Variants in HDAC9 observed in about 807,000 individuals in gnomAD.
HDAC9 encodes histone deacetylase 9.
HDAC9 carries 41 observed loss-of-function variants against 139.4 expected under a neutral mutation model. That is an observed-to-expected ratio of 0.29 (90% CI 0.23 to 0.38). The LOEUF is 0.38. HDAC9 is among the 10% of genes least tolerant of loss of function. HDAC9 has a pLI of 1.00. For missense variants in HDAC9, 1,147 were observed against 1,297.0 expected (o/e 0.88, Z 1.78); for synonymous variants, 517 against 476.2 (o/e 1.09, Z -1.12).
intron 13 of HDAC9, among the ~76,000 whole-genome samples, chr7:18,733,300 G>C (rs962957090): frequency 3.6e-5 from 5 of 140,188 alleles, no homozygotes; most frequent in Non-Finnish European, 7.8e-5. Context: ...GTGTATATAT[G>C]TGTATATAAT....
intron 22 of HDAC9, among the ~76,000 whole-genome samples, chr7:18,912,329 G>T (rs548036976): frequency 1.3e-5 from 2 of 152,028 alleles, no homozygotes; most frequent in East Asian, 3.9e-4. Flanking sequence ...TTACCCCTAA[G>T]TTTTTATCAG....
intron 1 of HDAC9, among the ~76,000 whole-genome samples, chr7:18,328,620 A>G (rs1056730553): frequency 3.3e-5 from 5 of 151,908 alleles, no homozygotes; most frequent in African/African-American, 9.7e-5. Flanking sequence ...CAGATATTGA[A>G]CCATCCTTTC....
At chr7:18,936,480 G>T (rs1457515181) in intron 23 of HDAC9, among the ~76,000 whole-genome samples, 3 of 152,068 alleles carry the variant, frequency 2.0e-5, no homozygotes, top group African/African-American at 7.2e-5. Flanking sequence ...AATGGCCAAA[G>T]ACCATTATAT....
chr7:18,337,850 A>C (rs1485353258), intron 1 of HDAC9, among the ~76,000 whole-genome samples: 1 of 151,774 alleles, frequency 6.6e-6, no homozygotes, highest in African/African-American at 2.4e-5. Context: ...TTTTTGTATA[A>C]AAATTAAATA....
intron 1 of HDAC9, among the ~76,000 whole-genome samples, chr7:18,337,641 G>A (rs764973875): frequency 1.6e-4 from 25 of 151,682 alleles, no homozygotes; most frequent in Non-Finnish European, 3.4e-4. Context: ...GACTTGCAGC[G>A]TGTGTATGTG....
At chr7:18,859,276 G>A (rs528674715) in intron 21 of HDAC9, among the ~76,000 whole-genome samples, 16 of 152,200 alleles carry the variant, frequency 1.1e-4, no homozygotes, top group African/African-American at 3.6e-4. Flanking sequence ...TAGAAGAAAA[G>A]AGTTTCCTTG....
intron 12 of HDAC9, 98 bp from the exon 13 acceptor site, chr7:18,727,480 GTC>G (rs1785641998): frequency 1.1e-6 from 1 of 917,076 alleles, no homozygotes; most frequent in East Asian, 3.0e-5. Context: ...CGTTTATTAT[GTC>G]TCTGACCTGA....
chr7:18,162,482 A>G, intron 2 of HDAC9: 1 of 768,182 alleles, frequency 1.3e-6, no homozygotes, highest in Admixed American at 2.7e-5. Context: ...AATGTAACAA[A>G]TTTTGAATTT....
intron 16 of HDAC9, among the ~76,000 whole-genome samples, chr7:18,773,899 G>T (rs552064389): frequency 6.6e-6 from 1 of 152,192 alleles, no homozygotes; most frequent in East Asian, 1.9e-4. Flanking sequence ...ATGTAAAACT[G>T]ATGTGTCATT....
intron 1 of HDAC9, among the ~76,000 whole-genome samples, chr7:18,111,131 C>G (rs1003942031): frequency 1.3e-5 from 2 of 152,120 alleles, no homozygotes; most frequent in Non-Finnish European, 2.9e-5. Context: ...TTCCATGTGC[C>G]TGTGAAGCTT....
intron 2 of HDAC9, among the ~76,000 whole-genome samples, chr7:18,580,048 T>A (rs984560843): frequency 2.6e-5 from 4 of 152,186 alleles, no homozygotes; most frequent in Non-Finnish European, 5.9e-5. Context: ...TAGCAGCATC[T>A]AAAGTGAAGA....
chr7:18,228,295 C>CTT (rs5882649), intron 2 of HDAC9, among the ~76,000 whole-genome samples: 6,409 of 146,628 alleles, frequency 0.044, 200 homozygotes, highest in African/African-American at 0.076. Context: ...AGTAGATAAC[C>CTT]TTTTTTTTTT....
At chr7:18,191,641 G>T (rs533991765) in intron 2 of HDAC9, among the ~76,000 whole-genome samples, 1 of 152,298 alleles carries the variant, frequency 6.6e-6, no homozygotes, top group Admixed American at 6.5e-5. Flanking sequence ...AAATAAAAAT[G>T]TGGCTTGCCA....
chr7:18,482,868 C>A (rs1795685609), intron 1 of HDAC9, among the ~76,000 whole-genome samples: 2 of 152,148 alleles, frequency 1.3e-5, no homozygotes, highest in Non-Finnish European at 2.9e-5. Context: ...TCCCAGGAGC[C>A]ATTGGAAGAA....
intron 1 of HDAC9, among the ~76,000 whole-genome samples, chr7:18,337,433 A>G (rs1781665312): frequency 6.6e-6 from 1 of 151,700 alleles, no homozygotes; most frequent in Admixed American, 6.6e-5. Context: ...TTTTTTTAAC[A>G]TTCCTGTATA....
intron 2 of HDAC9, among the ~76,000 whole-genome samples, chr7:18,507,502 A>T (rs879605597): frequency 9.4e-5 from 14 of 148,650 alleles, no homozygotes; most frequent in Non-Finnish European, 1.5e-4. Flanking sequence ...TATTATTATT[A>T]TTATTTTTTG....
At chr7:18,533,296 G>A (rs1809676831) in intron 2 of HDAC9, among the ~76,000 whole-genome samples, 1 of 151,938 alleles carries the variant, frequency 6.6e-6, no homozygotes, top group African/African-American at 2.4e-5. Context: ...ATTGCTTTAG[G>A]CTCCCCACTC....
In HDAC9 at chr7:18,097,494, A is replaced by G. The variant is rs143013113; in HGVS notation, c.-97+10281A>G. On this transcript the variant is annotated intron_variant, in intron 1 of 12. Coordinates refer to the HDAC9 transcript ENST00000417496. ...TTTTTTTTTTTTAATGACCCAGGTT[A>G]TCTTGCGTTTGCTTGTCTTTCTGTT... Among the ~76,000 whole-genome samples, 330 of 137,814 alleles carry G rather than the reference A, an allele frequency of 2.4e-3. 1 individual carries two copies. The highest frequency in any genetic ancestry group is 8.5e-3 in the African/African-American group (321 of 37,944). 90.4% of individuals were successfully genotyped at this position (137,814 alleles called of 152,430 possible).
intron 2 of HDAC9, among the ~76,000 whole-genome samples, chr7:18,534,213 C>G (rs1810057243): frequency 6.6e-6 from 1 of 152,134 alleles, no homozygotes; most frequent in South Asian, 2.1e-4. Context: ...GGACATTTAG[C>G]AGCCCTTTCA....
Sources: gnomAD v4.1 joint callset for allele counts (sites outside exome capture counted in the v4.1 genomes callset) on GRCh38, gnomAD v4.1.1 for gene constraint, MANE v1.5 for transcripts, NCBI Gene and HGNC (gene_info 2026-07-23, HGNC 2026-07-21) for gene names.